Variants in WASF3 observed in about 807,000 individuals in gnomAD.
WASF3 encodes actin-binding protein WASF3.
In WASF3, 11 loss-of-function variants were observed where a neutral mutation model predicts 46.6. That is an observed-to-expected ratio of 0.24 (90% CI 0.15 to 0.39). WASF3 has a LOEUF of 0.39. WASF3 is among the 10% of genes least tolerant of loss of function. The probability of loss-of-function intolerance (pLI) is 1.00; values close to 1 mark genes in which losing one functional copy is unlikely to be tolerated. For missense variants in WASF3, 576 were observed against 669.8 expected (o/e 0.86, Z 1.55); for synonymous variants, 242 against 259.7 (o/e 0.93, Z 0.65).
intron 2 of WASF3, among the ~76,000 whole-genome samples, chr13:26,622,236 A>G (rs1881329168): frequency 6.6e-6 from 1 of 152,216 alleles, no homozygotes; most frequent in African/African-American, 2.4e-5. Flanking sequence ...GGTTCTGCAA[A>G]CTGGTTGTTC....
chr13:26,573,983 T>A lies in WASF3; in HGVS notation c.-109+16164T>A, dbSNP rs984686791. Among the ~76,000 whole-genome samples the A allele has an allele frequency of 2.0e-5, 3 of 152,264 alleles. No individual in the cohort carries two copies. In the East Asian group the frequency reaches 5.8e-4, roughly 29 times the overall value. On this transcript the variant is annotated intron_variant, in intron 1 of 9. Coordinates refer to ENST00000335327, the MANE Select transcript of WASF3 (RefSeq NM_006646.6). ...AAATTCATCTGTTATTTTTGCTGTA[T>A]AATTTTCCATTGTATAACTGTACCA...
chr13:26,673,907 T>C (rs1199842245), intron 6 of WASF3, among the ~76,000 whole-genome samples: 3 of 152,092 alleles, frequency 2.0e-5, no homozygotes, highest in Non-Finnish European at 2.9e-5. Flanking sequence ...TCATGCAGGC[T>C]GGGTTCCAAG....
intron 1 of WASF3, among the ~76,000 whole-genome samples, chr13:26,567,816 C>CGT (rs889122693): frequency 1.3e-5 from 2 of 151,152 alleles, no homozygotes; most frequent in African/African-American, 4.9e-5. Context: ...TGTATATATA[C>CGT]GTGTGTGTGT....
chr13:26,602,712 T>C (rs1456209745), intron 1 of WASF3, among the ~76,000 whole-genome samples: 4 of 152,222 alleles, frequency 2.6e-5, no homozygotes, highest in African/African-American at 7.2e-5. Context: ...ATGTCAGGTT[T>C]AGTATTATAG....
At chr13:26,660,194 G>GTTTTTTTTTTTTTTTTTTTTT (rs71080285) in intron 3 of WASF3, among the ~76,000 whole-genome samples, 2 of 43,362 alleles carry the variant, frequency 4.6e-5, no homozygotes, top group African/African-American at 7.4e-5. Flanking sequence ...TTTTTGTTTG[G>GTTTTTTTTTTTTTTTTTTTTT]TTTTTTTTTT....
chr13:26,652,312 T>C (rs1386181022), intron 3 of WASF3, among the ~76,000 whole-genome samples: 1 of 151,638 alleles, frequency 6.6e-6, no homozygotes, highest in African/African-American at 2.4e-5. Context: ...GATAAAAGAG[T>C]CAAGAACACA....
At chr13:26,684,638 A>AGGCGGG (rs1382501816) in intron 9 of WASF3, among the ~76,000 whole-genome samples, 2 of 152,122 alleles carry the variant, frequency 1.3e-5, no homozygotes. Context: ...TGGGTGGGCG[A>AGGCGGG]GGCGGGGGCG....
intron 3 of WASF3, among the ~76,000 whole-genome samples, chr13:26,656,072 TG>T (rs1339261189): frequency 6.6e-6 from 1 of 152,204 alleles, no homozygotes; most frequent in African/African-American, 2.4e-5. Context: ...GCCCTAGTTA[TG>T]ACTGCTCTTT....
At chr13:26,592,566 G>A (rs184498620) in intron 1 of WASF3, among the ~76,000 whole-genome samples, 273 of 150,290 alleles carry the variant, frequency 1.8e-3, no homozygotes, top group African/African-American at 5.6e-3. Flanking sequence ...TGTGAGTTTG[G>A]TGTCTCTTCT....
chr13:26,629,964 G>T (rs966785667), intron 2 of WASF3, among the ~76,000 whole-genome samples: 1 of 151,800 alleles, frequency 6.6e-6, no homozygotes, highest in Non-Finnish European at 1.5e-5. Context: ...ACTCCATATT[G>T]TCCTGTTTTC....
chr13:26,667,641 A>G lies in WASF3; in HGVS notation c.393A>G (p.Pro131=), dbSNP rs1237457050. ...ATATTTACAACCAGAGTGATAAGCC[A>G]CCGCCTCTGAACATCCTGACACCAT... ...VADIYNQSDK[P]PPLNILTPYR... The change falls in exon 5 of 10, where the codon CCA becomes CCG. Residue 131 remains proline (P), a synonymous_variant. Transcript: ENST00000335327. The G allele has an allele frequency of 6.2e-7, 1 of 1,614,106 alleles. No homozygotes were observed. Among genetic ancestry groups the G allele is most frequent in the Non-Finnish European group, 8.5e-7 (1 of 1,180,012 alleles).
chr13:26,667,085 G>C (rs1452300609), intron 4 of WASF3, among the ~76,000 whole-genome samples: 2 of 152,084 alleles, frequency 1.3e-5, no homozygotes, highest in African/African-American at 4.8e-5. Flanking sequence ...AACTTAATGT[G>C]TTATTTCCAT....
intron 1 of WASF3, among the ~76,000 whole-genome samples, chr13:26,559,441 A>T (rs760419985): frequency 3.6e-4 from 55 of 152,334 alleles, no homozygotes; most frequent in Middle Eastern, 6.8e-3. Flanking sequence ...ATAGTCAATG[A>T]TGTGCTTCAC....
chr13:26,546,325 T>C, the WASF3 span, among the ~76,000 whole-genome samples: 11 of 152,248 alleles, frequency 7.2e-5, no homozygotes, highest in Non-Finnish European at 1.6e-4. Flanking sequence ...TTTGTTTGTT[T>C]GTTTCTGCTC....
At chr13:26,547,967 C>T in the WASF3 span, among the ~76,000 whole-genome samples, 1 of 152,178 alleles carries the variant, frequency 6.6e-6, no homozygotes, top group Non-Finnish European at 1.5e-5. Flanking sequence ...CAATGAATGA[C>T]ATTGCCTAAA....
chr13:26,683,675 G>A lies in WASF3; in HGVS notation c.1351+701G>A, dbSNP rs116310287. 5.7e-3 allele frequency among the ~76,000 whole-genome samples: 867 copies of A among 151,858 alleles called. 10 individuals carry two copies. The highest frequency in any genetic ancestry group is 0.02 in the African/African-American group (824 of 41,394). ...AGTTTGTGCTGGACTTGTCATATTT[G>A]CTTGATGTCCTAAGCCAGTGGTTTT... On this transcript the variant is annotated intron_variant, in intron 9 of 9. Coordinates refer to ENST00000335327, the MANE Select transcript of WASF3 (RefSeq NM_006646.6).
At chr13:26,557,255 T>C (rs1048814634), upstream of WASF3, among the ~76,000 whole-genome samples, 2 of 152,206 alleles carry the variant, frequency 1.3e-5, no homozygotes, top group African/African-American at 4.8e-5. Context: ...CAGGGTTGCC[T>C]GAAGCCTCAG....
chr13:26,665,508 A>G (rs981262005), intron 4 of WASF3, among the ~76,000 whole-genome samples: 1 of 152,214 alleles, frequency 6.6e-6, no homozygotes, highest in Non-Finnish European at 1.5e-5. Flanking sequence ...GAGCCACTCT[A>G]GAGATATGGT....
chr13:26,664,966 G>A (rs905643756), intron 3 of WASF3, 62 bp from the exon 4 acceptor site: 3 of 1,555,572 alleles, frequency 1.9e-6, no homozygotes, highest in Non-Finnish European at 2.7e-6. Flanking sequence ...TGGTGAGGAT[G>A]TGTGAGGGCC....
Sources: gnomAD v4.1 joint callset for allele counts (sites outside exome capture counted in the v4.1 genomes callset) on GRCh38, gnomAD v4.1.1 for gene constraint, MANE v1.5 for transcripts, NCBI Gene and HGNC (gene_info 2026-07-23, HGNC 2026-07-21) for gene names.